Variants in CEP170 observed in about 807,000 individuals in gnomAD.
The protein encoded by CEP170 is centrosomal protein 170, also known as centrosomal protein of 170 kDa.
In CEP170, 21 loss-of-function variants were observed where a neutral mutation model predicts 151.9. The observed-to-expected ratio is 0.14, with a 90% CI of 0.10 to 0.20. The LOEUF (loss-of-function observed/expected upper bound fraction) is 0.20, where lower values mean the gene tolerates loss of function less well. Ranked by LOEUF, CEP170 falls within the 10% of genes least tolerant of loss-of-function variation. The pLI is 1.00. For missense variants in CEP170, 964 were observed against 1,892.9 expected (o/e 0.51, Z 9.11); for synonymous variants, 356 against 648.8 (o/e 0.55, Z 6.86).
At chr1:243,240,203 A>G (rs1357226600) in intron 1 of CEP170, among the ~76,000 whole-genome samples, 3 of 152,154 alleles carry the variant, frequency 2.0e-5, no homozygotes. Context: ...CCAGCTACTC[A>G]GGAGGCTGAG....
chr1:243,209,894 T>C (rs1403260938), intron 4 of CEP170, among the ~76,000 whole-genome samples: 274 of 152,116 alleles, frequency 1.8e-3, no homozygotes, highest in African/African-American at 6.6e-3. Flanking sequence ...GGGGTTTCAC[T>C]GTGTTAGCCA....
chr1:243,173,403 C>T (rs1373864578), intron 10 of CEP170, among the ~76,000 whole-genome samples: 7 of 150,140 alleles, frequency 4.7e-5, no homozygotes, highest in Non-Finnish European at 7.4e-5. Context: ...ATGTCCTGTT[C>T]GATTAAAAAA....
intron 10 of CEP170, among the ~76,000 whole-genome samples, chr1:243,178,308 CAAAA>C (rs869094317): frequency 3.3e-4 from 10 of 30,418 alleles, no homozygotes; most frequent in African/African-American, 4.9e-4. Context: ...GACTCTGCCT[CAAAA>C]AAAAAAAAAA....
intron 2 of CEP170, 67 bp from the exon 3 acceptor site, chr1:243,221,880 C>T: frequency 2.2e-6 from 3 of 1,389,216 alleles, no homozygotes; most frequent in East Asian, 2.5e-5. Flanking sequence ...CACATTTTGG[C>T]TAGATACCTA....
At chr1:243,234,338 T>C in intron 1 of CEP170, among the ~76,000 whole-genome samples, 1 of 152,208 alleles carries the variant, frequency 6.6e-6, no homozygotes, top group Non-Finnish European at 1.5e-5. Context: ...CCAACAGGCA[T>C]GAAAGGGTGA....
intron 8 of CEP170, among the ~76,000 whole-genome samples, chr1:243,187,205 G>A (rs2059992157): frequency 6.6e-6 from 1 of 152,132 alleles, no homozygotes; most frequent in South Asian, 2.1e-4. Flanking sequence ...AAGCATATCA[G>A]GTTAGAATAT....
rs144940181 is a variant in CEP170, at chr1:243,216,561, C to G, written c.196-4597G>C. 5.5e-4 allele frequency among the ~76,000 whole-genome samples: 84 copies of G among 152,186 alleles called. No homozygotes were observed. In the East Asian group the frequency reaches 0.016, roughly 28 times the overall value. On this transcript the variant is annotated intron_variant, in intron 3 of 19. Transcript: ENST00000366542. ...ATGATGAGGTAGTTACAGTAAAATA[C>G]TTAAAGGGATTAGGTTATTAAACTC... is the stretch of plus-strand genomic sequence containing the variant.
At chr1:243,219,032 T>C (rs979290378) in intron 3 of CEP170, among the ~76,000 whole-genome samples, 1 of 152,228 alleles carries the variant, frequency 6.6e-6, no homozygotes, top group Non-Finnish European at 1.5e-5. Context: ...CAAGTTCTCT[T>C]ATGACTAAAA....
chr1:243,136,468 GTCA>G (rs1460665508), intron 16 of CEP170, among the ~76,000 whole-genome samples: 1 of 152,082 alleles, frequency 6.6e-6, no homozygotes, highest in Non-Finnish European at 1.5e-5. Flanking sequence ...TATTATTTTG[GTCA>G]TATCAGTTTC....
chr1:243,215,104 T>C lies in CEP170; in HGVS notation c.196-3140A>G, dbSNP rs188656371. 1.4e-3 allele frequency among the ~76,000 whole-genome samples: 217 copies of C among 152,322 alleles called. 1 individual carries two copies. Among genetic ancestry groups the C allele is most frequent in the African/African-American group, 5.0e-3 (207 of 41,586 alleles). ...CTGAACATAAATTGTGAAGATTTCA[T>C]GGACATTTTATCACTTCCCCAGTCA... On this transcript the variant is annotated intron_variant, in intron 3 of 19. Coordinates refer to ENST00000366542, the MANE Select transcript of CEP170 (RefSeq NM_014812.3).
In CEP170 at chr1:243,160,873, T is replaced by C. The variant is rs545301440; in HGVS notation, c.3676+3411A>G. 2.4e-4 allele frequency among the ~76,000 whole-genome samples: 36 copies of C among 152,244 alleles called. No individual in the cohort carries two copies. In the South Asian group the frequency reaches 6.2e-3, roughly 26 times the overall value. On this transcript the variant is annotated intron_variant, in intron 13 of 19. Transcript: ENST00000366542. ...AGGGACTGCAAACAGTCTCAAAAAA[T>C]TCTAAGGATATTAACATAATGTTTT...
At position 243,156,405 on chromosome 1, in the gene CEP170, C is replaced by A; in HGVS notation, c.3727G>T (p.Asp1243Tyr). ...FPTDYASTSEDEFGSNRNSPK... is the reference protein window; with the variant it reads ...FPTDYASTSEYEFGSNRNSPK... ...GAATTACGGTTTGATCCAAATTCATCTTCTGAGGTGGAAGCATAATCAGTA... is the reference window on the plus strand; with the variant it reads ...GAATTACGGTTTGATCCAAATTCATATTCTGAGGTGGAAGCATAATCAGTA... The change falls in exon 14 of 20, where the codon GAT (aspartate) becomes TAT (tyrosine). Residue 1243 changes from aspartate (D) to tyrosine (Y), a missense_variant. Asp to Tyr is a radical substitution (Grantham distance 160). Transcript: ENST00000366542. The A allele has an allele frequency of 6.4e-7, 1 of 1,553,176 alleles. No individual in the cohort carries two copies. The highest frequency in any genetic ancestry group is 8.7e-7 in the Non-Finnish European group (1 of 1,148,012).
Position 243,126,418 on chromosome 1 carries a change from A to T in CEP170, c.*31T>A. 1 of 1,580,198 alleles carries T rather than the reference A, an allele frequency of 6.3e-7. No homozygotes were observed. The highest frequency in any genetic ancestry group is 8.6e-7 in the Non-Finnish European group (1 of 1,159,992). On this transcript the variant is annotated 3_prime_UTR_variant, in exon 20 of 20. Coordinates refer to ENST00000366542, the MANE Select transcript of CEP170 (RefSeq NM_014812.3). ...CTTCCAATATTCCTAGCCATTCCAC[A>T]GGTAATGATTTTTCAACAATCAAGA...
At chr1:243,173,735 C>CAAA (rs199827738) in intron 10 of CEP170, among the ~76,000 whole-genome samples, 18 of 72,778 alleles carry the variant, frequency 2.5e-4, no homozygotes, top group African/African-American at 7.0e-4. Context: ...GACCCTGTTT[C>CAAA]AAAAAAAAAA....
intron 3 of CEP170, among the ~76,000 whole-genome samples, chr1:243,212,169 C>CA (rs1558603090): frequency 6.6e-6 from 1 of 152,136 alleles, no homozygotes; most frequent in East Asian, 1.9e-4. Context: ...TGGTAACACA[C>CA]AAAGAACCCA....
chr1:243,128,508 A>C (rs72757653), intron 18 of CEP170: 1 of 518,858 alleles, frequency 1.9e-6, no homozygotes, highest in Non-Finnish European at 3.2e-6. Context: ...GAAATACAAT[A>C]ACTTTTTCAG....
chr1:243,246,226 C>CTTTTTTTTTTTTTTTTTTT (rs774096892), intron 1 of CEP170, among the ~76,000 whole-genome samples: 1 of 109,470 alleles, frequency 9.1e-6, no homozygotes, highest in Non-Finnish European at 1.8e-5. Flanking sequence ...GTGTTGTTTA[C>CTTTTTTTTTTTTTTTTTTT]TTTTTTTTTT....
intron 13 of CEP170, among the ~76,000 whole-genome samples, chr1:243,158,305 A>G (rs1316009010): frequency 6.6e-6 from 1 of 152,044 alleles, no homozygotes; most frequent in Non-Finnish European, 1.5e-5. Flanking sequence ...ATAAATAAGA[A>G]AAAAATCATT....
At position 243,160,178 on chromosome 1, in the gene CEP170, T is replaced by C. The variant is rs554550561; in HGVS notation, c.3677-3723A>G. Among the ~76,000 whole-genome samples the C allele has an allele frequency of 1.1e-3, 162 of 152,240 alleles. 1 individual carries two copies. The highest frequency in any genetic ancestry group is 2.0e-3 in the Non-Finnish European group (139 of 68,044). On this transcript the variant is annotated intron_variant, in intron 13 of 19. Transcript: ENST00000366542. ...GTTGAAGAAAAAATTTATTTCTTTC[T>C]CTTGAATTTTATTCAGCTTAAGTAA...
Sources: allele counts gnomAD v4.1 joint callset (sites outside exome capture counted in the v4.1 genomes callset), GRCh38; gene constraint gnomAD v4.1.1; transcripts MANE v1.5; gene names NCBI Gene and HGNC (gene_info 2026-07-23, HGNC 2026-07-21).